Variants in LOXL2 observed in about 807,000 individuals in gnomAD.
The protein encoded by LOXL2 is lysyl oxidase like 2.
Under a neutral mutation model 93.0 loss-of-function variants are expected in LOXL2, and 70 were observed. The observed-to-expected ratio is 0.75, with a 90% confidence interval of 0.62 to 0.92. The LOEUF is 0.92. Among genes scored for constraint, LOXL2 ranks in the 40% least tolerant of loss-of-function variants. The pLI, the probability that LOXL2 is intolerant of heterozygous loss-of-function variation, is 0.00. For synonymous variants in LOXL2, 438 were observed against 413.2 expected (o/e 1.06, Z -0.73); for missense variants, 973 against 1,054.9 (o/e 0.92, Z 1.08).
rs1463348106 is a variant in LOXL2 at position 23,297,025 on chromosome 8, TG to T, written c.*1017del. On this transcript the variant is annotated 3_prime_UTR_variant, in exon 14 of 14. Coordinates refer to ENST00000389131, the MANE Select transcript of LOXL2 (RefSeq NM_002318.3). The stretch of plus-strand genomic sequence containing the variant: ...CCCTTTTGGAGTCTATTGAAGGAGG[TG>T]CCCTGGTGGCCACACTGGGCTGGAG... Among the ~76,000 whole-genome samples the T allele has an allele frequency of 6.6e-6, 1 of 152,016 alleles. No individual in the cohort carries two copies. Among genetic ancestry groups the T allele is most frequent in the Non-Finnish European group, 1.5e-5 (1 of 67,992 alleles).
chr8:23,384,024 T>A (rs1248298314), intron 1 of LOXL2, among the ~76,000 whole-genome samples: 1 of 152,176 alleles, frequency 6.6e-6, no homozygotes, highest in Non-Finnish European at 1.5e-5. Context: ...ACGTTAGGAT[T>A]TTTCATGAGT....
chr8:23,344,460 ATC>A (rs142568143), intron 3 of LOXL2, among the ~76,000 whole-genome samples: 7,286 of 150,594 alleles, frequency 0.048, 218 homozygotes, highest in South Asian at 0.096. Context: ...TGTGGTGTGT[ATC>A]TCTGTGTCTC....
At chr8:23,304,428 A>G (rs1221803296) in intron 10 of LOXL2, among the ~76,000 whole-genome samples, 2 of 152,166 alleles carry the variant, frequency 1.3e-5, no homozygotes, top group African/African-American at 2.4e-5. Flanking sequence ...CCCGATCCCA[A>G]CCTGCAACGA....
intron 1 of LOXL2, among the ~76,000 whole-genome samples, chr8:23,389,550 T>C (rs1254469215): frequency 6.6e-6 from 1 of 152,304 alleles, no homozygotes; most frequent in East Asian, 1.9e-4. Context: ...TGTGACTAAC[T>C]GATTCCTAGT....
chr8:23,380,771 T>G (rs1469603833), intron 1 of LOXL2, among the ~76,000 whole-genome samples: 3 of 152,122 alleles, frequency 2.0e-5, no homozygotes, highest in South Asian at 2.1e-4. Flanking sequence ...CCCAGCATTT[T>G]GGGAGGCTAA....
chr8:23,326,878 C>T (rs1803584880), intron 6 of LOXL2, among the ~76,000 whole-genome samples: 1 of 152,202 alleles, frequency 6.6e-6, no homozygotes, highest in South Asian at 2.1e-4. Flanking sequence ...CTTCAGTGCA[C>T]ACCTGGAAGC....
chr8:23,346,092 A>T (rs192246623), intron 3 of LOXL2, among the ~76,000 whole-genome samples: 11,629 of 118,042 alleles, frequency 0.099, 624 homozygotes, highest in African/African-American at 0.19. Flanking sequence ...ATAATAAAAT[A>T]AAATAAAATA....
chr8:23,404,049 AG>A lies in LOXL2; in HGVS notation c.-180del. 3 of 202,534 alleles carry A rather than the reference AG, an allele frequency of 1.5e-5. No homozygotes were observed. The highest frequency in any genetic ancestry group is 5.8e-5 in the South Asian group (1 of 17,132). 12.5% of individuals were successfully genotyped at this position (202,534 alleles called of 1,614,324 possible). A position where few individuals can be genotyped will look rare whatever the true frequency, so the allele number is the denominator to read the frequency against. On this transcript the variant is annotated 5_prime_UTR_variant, in exon 1 of 14. Transcript: ENST00000389131. ...GCCGCTGAGCCCCTTTCTCGAGCAG[AG>A]GGGGCGGCTCTGGTCTCCGATGGCT...
intron 10 of LOXL2, among the ~76,000 whole-genome samples, chr8:23,303,822 G>A (rs1218822425): frequency 2.0e-5 from 3 of 152,194 alleles, no homozygotes; most frequent in Non-Finnish European, 4.4e-5. Flanking sequence ...GCATTTTGAC[G>A]TCTTTTGAAA....
Position 23,360,239 on chromosome 8 carries a change from A to G in LOXL2, c.382T>C (p.Cys128Arg). The change falls in exon 3 of 14, where the codon TGT becomes CGT. Residue 128 changes from cysteine (C) to arginine (R), a missense_variant. Cys to Arg is a radical substitution (Grantham distance 180, BLOSUM62 -3). Transcript: ENST00000389131. ...EGPIWLDNLH[C>R]TGNEATLAAC... ...GCAAGGGTCGCCTCGTTGCCAGTAC[A>G]GTGGAGATTGTCTAACCAGATGGGC... 1 of 1,612,258 alleles carries G rather than the reference A, an allele frequency of 6.2e-7. No homozygotes were observed. The highest frequency in any genetic ancestry group is 8.5e-7 in the Non-Finnish European group (1 of 1,178,572).
chr8:23,304,273 CAG>C (rs752159957), intron 10 of LOXL2, among the ~76,000 whole-genome samples: 1 of 152,208 alleles, frequency 6.6e-6, no homozygotes, highest in African/African-American at 2.4e-5. Context: ...AGAACAGATG[CAG>C]AGTCTTGGAA....
intron 1 of LOXL2, among the ~76,000 whole-genome samples, chr8:23,381,306 T>C (rs1804677774): frequency 6.6e-6 from 1 of 152,222 alleles, no homozygotes; most frequent in Non-Finnish European, 1.5e-5. Context: ...TTGTTGTAGC[T>C]GAAACTTGGC....
Position 23,341,217 on chromosome 8 carries a change from G to T in LOXL2, c.532-14C>A, listed in dbSNP as rs758414611. 3.1e-6 allele frequency: 5 copies of T among 1,605,242 alleles called. No homozygotes were observed. The highest frequency in any genetic ancestry group is 1.7e-5 in the Admixed American group (1 of 60,018). ...GATATTCAGGTTCTGGGAAGAAAGAGGCGTGGAAGGAGAGGGTTACCCTAC... is the reference window on the plus strand; with the variant it reads ...GATATTCAGGTTCTGGGAAGAAAGATGCGTGGAAGGAGAGGGTTACCCTAC... On this transcript the variant is annotated splice_polypyrimidine_tract_variant and intron_variant, in intron 3 of 13. Transcript: ENST00000389131.
Position 23,302,022 on chromosome 8 carries a change from C to G in LOXL2, c.2133+5G>C, listed in dbSNP as rs757328605. On this transcript the variant is annotated splice_donor_5th_base_variant and intron_variant, in intron 12 of 13. Coordinates refer to ENST00000389131, the MANE Select transcript of LOXL2 (RefSeq NM_002318.3). ...AGGGCTGGAACCCCTTCCCACCCAC[C>G]TCACCTGGAACAGGTAGTCTCCAGG... The G allele has an allele frequency of 4.3e-5, 70 of 1,613,934 alleles. No individual in the cohort carries two copies. Among genetic ancestry groups the G allele is most frequent in the Non-Finnish European group, 5.8e-5 (68 of 1,179,958 alleles).
chr8:23,306,944 G>A (rs924566602), intron 10 of LOXL2, among the ~76,000 whole-genome samples: 5 of 152,226 alleles, frequency 3.3e-5, no homozygotes. Context: ...TTTCCTCCAG[G>A]TCTGGTTTTC....
chr8:23,328,492 C>G lies in LOXL2; in HGVS notation c.1040G>C (p.Trp347Ser), dbSNP rs1427355403. ...GRVEVLKNGE[W>S]GTVCDDKWDL... The stretch of plus-strand genomic sequence containing the variant: ...CCACTTGTCGTCGCAGACGGTCCCC[C>G]ATTCTCCATTTTTGAGCACCTCCAC... Residue 347 changes from tryptophan to serine, a missense_variant, in exon 6 of 14, where the codon TGG becomes TCG. Physicochemically the swap from Trp to Ser is radical, Grantham distance 177. Transcript: ENST00000389131. 2 of 1,614,132 alleles carry G rather than the reference C, an allele frequency of 1.2e-6. No homozygotes were observed. The highest frequency in any genetic ancestry group is 1.1e-5 in the South Asian group (1 of 91,064).
At chr8:23,307,953 G>GGAGAAAAAAAAAAA in intron 10 of LOXL2, among the ~76,000 whole-genome samples, 1 of 83,522 alleles carries the variant, frequency 1.2e-5, no homozygotes, top group Non-Finnish European at 2.1e-5. Flanking sequence ...GCTGCGATAT[G>GGAGAAAAAAAAAAA]AAAAAAAAAA....
rs1803043513 is a variant in LOXL2 at position 23,297,197 on chromosome 8, T to A, written c.*846A>T. 6.6e-6 allele frequency: 1 copy of A among 152,204 alleles called. No homozygotes were observed. The highest frequency in any genetic ancestry group is 1.5e-5 in the Non-Finnish European group (1 of 68,038). 9.4% of individuals were successfully genotyped at this position (152,204 alleles called of 1,614,324 possible). A position where few individuals can be genotyped will look rare whatever the true frequency, so the allele number is the denominator to read the frequency against. ...CAGACACGTTTCATAAATCTTTCTT[T>A]TATTCCAAGTTTCAAGTATGTGTAA... On this transcript the variant is annotated 3_prime_UTR_variant, in exon 14 of 14. Transcript: ENST00000389131.
chr8:23,298,037 G>T lies in LOXL2; in HGVS notation c.*6C>A. ...CTGAAGACAGGAGTTGACCACGCAG[G>T]CTTCTTTACTGCGGGGACAGCTGGT... On this transcript the variant is annotated 3_prime_UTR_variant, in exon 14 of 14. Coordinates refer to ENST00000389131, the MANE Select transcript of LOXL2 (RefSeq NM_002318.3). The T allele has an allele frequency of 1.2e-6, 2 of 1,612,614 alleles. No individual in the cohort carries two copies. The highest frequency in any genetic ancestry group is 1.7e-6 in the Non-Finnish European group (2 of 1,179,076).
Sources: gnomAD v4.1 joint callset for allele counts (sites outside exome capture counted in the v4.1 genomes callset) on GRCh38, gnomAD v4.1.1 for gene constraint, MANE v1.5 for transcripts, NCBI Gene and HGNC (gene_info 2026-07-23, HGNC 2026-07-21) for gene names.